Variants in SH3GL2 observed in about 807,000 individuals in gnomAD.
SH3GL2 encodes SH3 domain containing GRB2 like 2, endophilin A1.
SH3GL2 carries 24 observed loss-of-function variants against 46.0 expected under a neutral mutation model. The observed-to-expected ratio is 0.52, with a 90% CI of 0.38 to 0.73. The LOEUF (loss-of-function observed/expected upper bound fraction) is 0.73. Among genes scored for constraint, SH3GL2 ranks in the 30% least tolerant of loss-of-function variants. SH3GL2 has a pLI of 0.00. For synonymous variants in SH3GL2, 196 were observed against 147.1 expected, an observed-to-expected ratio of 1.33 and a Z score of -2.40; for missense variants, 413 against 424.2, an observed-to-expected ratio of 0.97 and a Z score of 0.23.
intron 1 of SH3GL2, among the ~76,000 whole-genome samples, chr9:17,628,833 C>T (rs942424138): frequency 5.3e-5 from 8 of 151,934 alleles, no homozygotes; most frequent in African/African-American, 1.9e-4. Flanking sequence ...AGGTTGCCAG[C>T]CAAAAATTGA....
chr9:17,747,784 C>T (rs962735997), intron 2 of SH3GL2, among the ~76,000 whole-genome samples: 2 of 152,146 alleles, frequency 1.3e-5, no homozygotes, highest in Non-Finnish European at 2.9e-5. Context: ...AAGCGATCTC[C>T]TGCCTCAGCT....
intron 2 of SH3GL2, among the ~76,000 whole-genome samples, chr9:17,747,995 T>C (rs1235478635): frequency 6.6e-6 from 1 of 152,124 alleles, no homozygotes; most frequent in Non-Finnish European, 1.5e-5. Context: ...TAAGTGAATG[T>C]AAAATGAGAA....
intron 1 of SH3GL2, among the ~76,000 whole-genome samples, chr9:17,628,226 G>C (rs1161446097): frequency 1.3e-5 from 2 of 152,138 alleles, no homozygotes; most frequent in Admixed American, 6.5e-5. Context: ...TTACTGGCAC[G>C]TGGGCATTCA....
At chr9:17,790,377 A>G in intron 6 of SH3GL2, 1 of 956,332 alleles carries the variant, frequency 1.0e-6, no homozygotes, top group East Asian at 1.2e-4. Flanking sequence ...ACCTAAAATT[A>G]ACCATCACAT....
intron 1 of SH3GL2, among the ~76,000 whole-genome samples, chr9:17,697,102 A>G (rs887336431): frequency 6.6e-6 from 1 of 152,166 alleles, no homozygotes; most frequent in African/African-American, 2.4e-5. Flanking sequence ...GAGAGGCCAC[A>G]TGGGCTGTGA....
chr9:17,654,373 A>G (rs898364035), intron 1 of SH3GL2, among the ~76,000 whole-genome samples: 5 of 152,082 alleles, frequency 3.3e-5, no homozygotes, highest in African/African-American at 1.2e-4. Flanking sequence ...GGATTGTCGT[A>G]TTGTTTTGTG....
chr9:17,762,218 G>A (rs1374667931), intron 3 of SH3GL2, among the ~76,000 whole-genome samples: 1 of 152,104 alleles, frequency 6.6e-6, no homozygotes, highest in Non-Finnish European at 1.5e-5. Flanking sequence ...GAAACGGGAA[G>A]TGAGGCTGGT....
At chr9:17,720,198 C>G (rs1447254143) in intron 1 of SH3GL2, among the ~76,000 whole-genome samples, 2 of 151,952 alleles carry the variant, frequency 1.3e-5, no homozygotes, top group Admixed American at 6.6e-5. Flanking sequence ...AGAAGTTGTC[C>G]CAAAAGAGAA....
chr9:17,580,226 T>A (rs1012805218), intron 1 of SH3GL2, among the ~76,000 whole-genome samples: 6 of 152,220 alleles, frequency 3.9e-5, no homozygotes, highest in African/African-American at 1.4e-4. Flanking sequence ...ATGGGATCTT[T>A]AAGGATTTTG....
chr9:17,637,931 C>G (rs7871841), intron 1 of SH3GL2, among the ~76,000 whole-genome samples: 387 of 152,030 alleles, frequency 2.5e-3, no homozygotes, highest in African/African-American at 9.0e-3. Flanking sequence ...CCGAGGCGGG[C>G]GGATCACGAG....
intron 1 of SH3GL2, among the ~76,000 whole-genome samples, chr9:17,581,206 C>T (rs1312573291): frequency 1.3e-5 from 2 of 152,004 alleles, no homozygotes; most frequent in African/African-American, 4.8e-5. Flanking sequence ...AAAAATAGAG[C>T]GCTCCATTTC....
intron 1 of SH3GL2, among the ~76,000 whole-genome samples, chr9:17,601,573 A>G (rs1818674162): frequency 6.6e-6 from 1 of 152,228 alleles, no homozygotes; most frequent in South Asian, 2.1e-4. Flanking sequence ...AGTCATAAAA[A>G]TCAAATCATC....
intron 1 of SH3GL2, among the ~76,000 whole-genome samples, chr9:17,598,533 G>T (rs1040990219): frequency 6.6e-6 from 1 of 152,142 alleles, no homozygotes; most frequent in Non-Finnish European, 1.5e-5. Flanking sequence ...GCGGGCCAAG[G>T]GGTTTGAGCC....
chr9:17,633,484 A>G (rs1819478466), intron 1 of SH3GL2, among the ~76,000 whole-genome samples: 2 of 152,370 alleles, frequency 1.3e-5, no homozygotes, highest in African/African-American at 2.4e-5. Flanking sequence ...AATGTTTTGC[A>G]TATCGTCAAA....
At chr9:17,735,817 T>C (rs898509715) in intron 1 of SH3GL2, 3 of 790,290 alleles carry the variant, frequency 3.8e-6, no homozygotes, top group African/African-American at 3.8e-5. Context: ...AGCAGGTAGG[T>C]GGTGTGGGAT....
intron 1 of SH3GL2, among the ~76,000 whole-genome samples, chr9:17,672,885 A>G (rs1820508175): frequency 6.6e-6 from 1 of 152,076 alleles, no homozygotes; most frequent in Non-Finnish European, 1.5e-5. Flanking sequence ...TCAGAATTAG[A>G]TTTTCGTACA....
At chr9:17,759,130 T>C (rs1253417234) in intron 2 of SH3GL2, among the ~76,000 whole-genome samples, 1 of 152,092 alleles carries the variant, frequency 6.6e-6, no homozygotes, top group African/African-American at 2.4e-5. Context: ...CCTTCCTTGC[T>C]CACCTCCCTG....
intron 1 of SH3GL2, among the ~76,000 whole-genome samples, chr9:17,742,389 C>T (rs190818182): frequency 6.6e-6 from 1 of 152,114 alleles, no homozygotes; most frequent in Non-Finnish European, 1.5e-5. Flanking sequence ...TGGTGGTCCT[C>T]TTTGACATTT....
At chr9:17,616,260 A>G (rs1818994608) in intron 1 of SH3GL2, among the ~76,000 whole-genome samples, 1 of 152,238 alleles carries the variant, frequency 6.6e-6, no homozygotes, top group Non-Finnish European at 1.5e-5. Context: ...TGAGGCTAGG[A>G]AAGAAGCATG....
Sources: allele counts gnomAD v4.1 joint callset (sites outside exome capture counted in the v4.1 genomes callset), GRCh38; gene constraint gnomAD v4.1.1; transcripts MANE v1.5; gene names NCBI Gene and HGNC (gene_info 2026-07-23, HGNC 2026-07-21).